SGCZ: variants seen among roughly 807,000 people sequenced by gnomAD.
SGCZ encodes the protein zeta-sarcoglycan.
Under a neutral mutation model 41.3 loss-of-function variants are expected in SGCZ, and 40 were observed. The observed-to-expected ratio is 0.97, with a 90% CI of 0.75 to 1.26. SGCZ has a LOEUF of 1.26. SGCZ is among the 50% of genes most tolerant of loss of function. The pLI is 0.00. For missense variants in SGCZ, 552 were observed against 369.8 expected (o/e 1.49, Z -4.04); for synonymous variants, 206 against 137.5 (o/e 1.50, Z -3.49).
chr8:14,957,423 T>C (rs776392939), intron 1 of SGCZ, among the ~76,000 whole-genome samples: 1 of 152,070 alleles, frequency 6.6e-6, no homozygotes, highest in Non-Finnish European at 1.5e-5. Context: ...ATGGTAAATA[T>C]ATTAACCTTT....
chr8:14,898,369 C>A (rs554751657), intron 1 of SGCZ, among the ~76,000 whole-genome samples: 1 of 152,120 alleles, frequency 6.6e-6, no homozygotes, highest in Non-Finnish European at 1.5e-5. Flanking sequence ...GAGAAACAGC[C>A]GAGGCTGCCG....
Position 14,328,546 on chromosome 8 carries a change from T to G in SGCZ, c.235-4342A>C, listed in dbSNP as rs564794411. Among the ~76,000 whole-genome samples the G allele has an allele frequency of 3.3e-5, 5 of 152,314 alleles. No individual in the cohort carries two copies. The South Asian group carries it at 1.0e-3, about 32-fold the overall frequency. On this transcript the variant is annotated intron_variant, in intron 2 of 7. Coordinates refer to ENST00000382080, the MANE Select transcript of SGCZ (RefSeq NM_139167.4). ...AGAAAGCTTAAAATAGTGCCTAATT[T>G]ATGTCAAACTACTCAATAGTTTTAA...
chr8:14,636,782 T>C (rs759934748), intron 1 of SGCZ, among the ~76,000 whole-genome samples: 1 of 151,876 alleles, frequency 6.6e-6, no homozygotes, highest in Admixed American at 6.6e-5. Context: ...TGACTATAAA[T>C]GCTAAACATA....
At chr8:15,201,672 G>A (rs960450589) in intron 1 of SGCZ, among the ~76,000 whole-genome samples, 44 of 152,150 alleles carry the variant, frequency 2.9e-4, no homozygotes, top group African/African-American at 1.0e-3. Flanking sequence ...AACTCACAGG[G>A]AAAATCATGC....
intron 1 of SGCZ, among the ~76,000 whole-genome samples, chr8:14,604,249 C>T (rs1420789961): frequency 6.6e-6 from 1 of 152,066 alleles, no homozygotes; most frequent in Non-Finnish European, 1.5e-5. Flanking sequence ...AATGAAAAAT[C>T]ACTTGCATTT....
At chr8:14,631,876 C>T (rs943498545) in intron 1 of SGCZ, among the ~76,000 whole-genome samples, 4 of 152,062 alleles carry the variant, frequency 2.6e-5, no homozygotes, top group African/African-American at 9.7e-5. Context: ...TCAATTAATA[C>T]ACTATTTGTA....
chr8:15,153,718 TG>T (rs1023596360), intron 1 of SGCZ, among the ~76,000 whole-genome samples: 3 of 152,108 alleles, frequency 2.0e-5, no homozygotes, highest in African/African-American at 7.2e-5. Flanking sequence ...GCCCCTACCG[TG>T]CCTTCCGCGA....
At chr8:14,264,011 C>T (rs951171429) in intron 3 of SGCZ, among the ~76,000 whole-genome samples, 1 of 152,222 alleles carries the variant, frequency 6.6e-6, no homozygotes, top group Non-Finnish European at 1.5e-5. Flanking sequence ...GATAGAGCCA[C>T]CTGGACTTGC....
intron 1 of SGCZ, among the ~76,000 whole-genome samples, chr8:15,055,358 T>G (rs576068463): frequency 6.6e-6 from 1 of 152,320 alleles, no homozygotes; most frequent in South Asian, 2.1e-4. Flanking sequence ...TTTTATTCTT[T>G]TTGTTATCCT....
chr8:14,914,966 G>A lies in SGCZ; in HGVS notation c.39+322619C>T, dbSNP rs77356332. Among the ~76,000 whole-genome samples the A allele has an allele frequency of 3.9e-5, 6 of 152,164 alleles. No individual in the cohort carries two copies. The East Asian group carries it at 7.8e-4, about 20-fold the overall frequency. ...ACCCTTGCAAGCAAAAGGTGGATTCGGAGAGAGGCATCATTTGGCAATGAG... is the reference window on the plus strand; with the variant it reads ...ACCCTTGCAAGCAAAAGGTGGATTCAGAGAGAGGCATCATTTGGCAATGAG... On this transcript the variant is annotated intron_variant, in intron 1 of 7. Coordinates refer to ENST00000382080, the MANE Select transcript of SGCZ (RefSeq NM_139167.4).
At chr8:15,173,940 G>A (rs138934578) in intron 1 of SGCZ, among the ~76,000 whole-genome samples, 153 of 152,042 alleles carry the variant, frequency 1.0e-3, no homozygotes, top group African/African-American at 3.6e-3. Flanking sequence ...ATTACTGGTC[G>A]CAAACTCCTG....
At chr8:14,661,821 G>C (rs1405430492) in intron 1 of SGCZ, among the ~76,000 whole-genome samples, 1 of 141,114 alleles carries the variant, frequency 7.1e-6, no homozygotes, top group Non-Finnish European at 1.5e-5. Flanking sequence ...TTAAGTCTAT[G>C]AAATGTGATC....
intron 1 of SGCZ, among the ~76,000 whole-genome samples, chr8:14,620,566 C>G (rs1029246016): frequency 7.3e-4 from 107 of 146,082 alleles, no homozygotes; most frequent in Non-Finnish European, 4.5e-5. Context: ...TATCCAGAAT[C>G]TACGAAGAAC....
At chr8:14,796,346 T>C (rs1048330183) in intron 1 of SGCZ, among the ~76,000 whole-genome samples, 3 of 152,170 alleles carry the variant, frequency 2.0e-5, no homozygotes, top group Non-Finnish European at 2.9e-5. Context: ...TTGGAACTCC[T>C]GGCCTCAAGT....
At chr8:14,462,302 T>A (rs569788159) in intron 2 of SGCZ, among the ~76,000 whole-genome samples, 32 of 152,070 alleles carry the variant, frequency 2.1e-4, no homozygotes, top group African/African-American at 7.2e-4. Context: ...CACACAGGTA[T>A]TTATGCATTT....
chr8:15,192,740 C>A (rs1389062295), intron 1 of SGCZ, among the ~76,000 whole-genome samples: 1 of 152,090 alleles, frequency 6.6e-6, no homozygotes, highest in African/African-American at 2.4e-5. Flanking sequence ...CCACTGAAGT[C>A]TTCTGCCCCA....
At chr8:14,917,161 T>A (rs544330041) in intron 1 of SGCZ, among the ~76,000 whole-genome samples, 1 of 152,206 alleles carries the variant, frequency 6.6e-6, no homozygotes, top group African/African-American at 2.4e-5. Context: ...AGGGCCTGAA[T>A]TGTCAATCAT....
At chr8:15,155,365 A>G (rs377321659) in intron 1 of SGCZ, among the ~76,000 whole-genome samples, 8 of 152,338 alleles carry the variant, frequency 5.3e-5, no homozygotes, top group African/African-American at 1.9e-4. Flanking sequence ...TGATCATTAT[A>G]CATTGTATGC....
chr8:14,154,611 T>C (rs2116960335), intron 5 of SGCZ, among the ~76,000 whole-genome samples: 1 of 152,330 alleles, frequency 6.6e-6, no homozygotes, highest in Middle Eastern at 3.4e-3. Context: ...TAAAAATTGT[T>C]GTATATTCTT....
Sources: allele counts gnomAD v4.1 joint callset (sites outside exome capture counted in the v4.1 genomes callset), GRCh38; gene constraint gnomAD v4.1.1; transcripts MANE v1.5; gene names NCBI Gene and HGNC (gene_info 2026-07-23, HGNC 2026-07-21).